MAGI2: variants seen among roughly 807,000 people sequenced by gnomAD.
MAGI2 encodes the protein membrane associated guanylate kinase, WW and PDZ domain containing 2, also known as membrane-associated guanylate kinase, WW and PDZ domain-containing protein 2.
MAGI2 carries 35 observed loss-of-function variants against 133.3 expected under a neutral mutation model. That is an observed-to-expected ratio of 0.26 (90% CI 0.20 to 0.35). The LOEUF (loss-of-function observed/expected upper bound fraction) is 0.35. Ranked by LOEUF, MAGI2 falls within the 10% of genes least tolerant of loss-of-function variation. The pLI, the probability that MAGI2 is intolerant of heterozygous loss-of-function variation, is 1.00. For synonymous variants in MAGI2, 729 were observed against 710.6 expected, an observed-to-expected ratio of 1.03 and a Z score of -0.41; for missense variants, 1,636 against 1,863.4, an observed-to-expected ratio of 0.88 and a Z score of 2.25.
intron 10 of MAGI2, among the ~76,000 whole-genome samples, chr7:78,245,135 C>A (rs1791626540): frequency 6.6e-6 from 1 of 152,056 alleles, no homozygotes; most frequent in South Asian, 2.1e-4. Context: ...AAATACAACA[C>A]CATGAAATGA....
intron 3 of MAGI2, among the ~76,000 whole-genome samples, chr7:78,537,348 C>T (rs541502761): frequency 6.6e-6 from 1 of 152,268 alleles, no homozygotes; most frequent in Admixed American, 6.5e-5. Context: ...TTATTTTCCA[C>T]TGGGTAGGTA....
intron 2 of MAGI2, among the ~76,000 whole-genome samples, chr7:78,682,504 A>G (rs1186470461): frequency 6.6e-6 from 1 of 152,114 alleles, no homozygotes; most frequent in Admixed American, 6.6e-5. Flanking sequence ...TTTGCTGAGA[A>G]TTATGGTTTC....
intron 21 of MAGI2, among the ~76,000 whole-genome samples, chr7:78,030,947 A>G (rs892695913): frequency 4.6e-5 from 7 of 152,246 alleles, no homozygotes; most frequent in Non-Finnish European, 1.0e-4. Context: ...TTTATTCATA[A>G]TCACCAAAAA....
intron 2 of MAGI2, among the ~76,000 whole-genome samples, chr7:79,004,565 A>G (rs1423428218): frequency 6.6e-6 from 1 of 152,208 alleles, no homozygotes; most frequent in South Asian, 2.1e-4. Flanking sequence ...AGTAGACAAC[A>G]GTGTATTGTA....
At chr7:78,720,343 T>C (rs543223203) in intron 2 of MAGI2, among the ~76,000 whole-genome samples, 1 of 152,208 alleles carries the variant, frequency 6.6e-6, no homozygotes, top group Admixed American at 6.5e-5. Flanking sequence ...ATCCTTATAA[T>C]ACACCTATGA....
chr7:79,358,294 G>T (rs750938416), intron 1 of MAGI2, among the ~76,000 whole-genome samples: 1 of 151,896 alleles, frequency 6.6e-6, no homozygotes, highest in African/African-American at 2.4e-5. Context: ...ACAAATAAAT[G>T]GAATTTTTCT....
intron 20 of MAGI2, among the ~76,000 whole-genome samples, chr7:78,124,956 T>G (rs1480176274): frequency 6.6e-6 from 1 of 150,728 alleles, no homozygotes; most frequent in Non-Finnish European, 1.5e-5. Context: ...TCCGCCTCCC[T>G]GGGCTCAAGC....
chr7:78,231,511 C>T (rs1789969699), intron 10 of MAGI2, among the ~76,000 whole-genome samples: 2 of 152,208 alleles, frequency 1.3e-5, no homozygotes. Context: ...AAAATGATAT[C>T]TGACAGATTC....
intron 1 of MAGI2, among the ~76,000 whole-genome samples, chr7:79,439,897 T>C (rs1294168319): frequency 6.6e-6 from 1 of 152,150 alleles, no homozygotes; most frequent in Non-Finnish European, 1.5e-5. Context: ...AGGAGTGGTA[T>C]GCATACACGA....
At chr7:79,005,537 A>G (rs945629516) in intron 2 of MAGI2, among the ~76,000 whole-genome samples, 6 of 152,218 alleles carry the variant, frequency 3.9e-5, no homozygotes, top group African/African-American at 1.4e-4. Context: ...TTCATATTTA[A>G]TTAAGACTTT....
At chr7:78,199,190 C>T (rs1490246839) in intron 11 of MAGI2, among the ~76,000 whole-genome samples, 1 of 152,018 alleles carries the variant, frequency 6.6e-6, no homozygotes, top group Non-Finnish European at 1.5e-5. Context: ...TGTCCATGCC[C>T]AGTAAAGTGG....
intron 2 of MAGI2, among the ~76,000 whole-genome samples, chr7:78,955,723 CTCTTTCTTTCTTTCTTTCTTTCTT>C (rs1158477695): frequency 1.2e-3 from 97 of 83,488 alleles, no homozygotes; most frequent in African/African-American, 3.5e-3. Context: ...TTCTTTCTTT[CTCTTTCTTTCTTTCTTTCTTTCTT>C]TCTTTCTTTC....
intron 2 of MAGI2, among the ~76,000 whole-genome samples, chr7:78,999,799 T>G (rs552327621): frequency 1.7e-4 from 26 of 152,314 alleles, no homozygotes; most frequent in Admixed American, 3.3e-4. Context: ...CTTCCTTTCT[T>G]TTTGGTTAAC....
At chr7:78,651,427 C>T (rs562407429) in intron 2 of MAGI2, among the ~76,000 whole-genome samples, 106 of 152,116 alleles carry the variant, frequency 7.0e-4, no homozygotes, top group African/African-American at 2.4e-3. Context: ...TCTTTCAGCG[C>T]ACCCACTGAA....
chr7:79,086,081 T>G (rs1408780026), intron 1 of MAGI2, among the ~76,000 whole-genome samples: 1 of 151,924 alleles, frequency 6.6e-6, no homozygotes, highest in Non-Finnish European at 1.5e-5. Context: ...ATTCCAAAGT[T>G]TTTCCTTTTA....
chr7:79,307,036 CT>C, intron 1 of MAGI2, among the ~76,000 whole-genome samples: 1 of 152,184 alleles, frequency 6.6e-6, no homozygotes, highest in Non-Finnish European at 1.5e-5. Context: ...AATTTTGAGG[CT>C]GCCAGGATGA....
chr7:78,280,012 A>G (rs1795408983), intron 9 of MAGI2, among the ~76,000 whole-genome samples: 1 of 152,146 alleles, frequency 6.6e-6, no homozygotes, highest in Non-Finnish European at 1.5e-5. Context: ...AGCTTAATCA[A>G]ACCCAGCTTC....
chr7:79,005,215 A>G (rs992515909), intron 2 of MAGI2, among the ~76,000 whole-genome samples: 16 of 152,168 alleles, frequency 1.1e-4, no homozygotes, highest in African/African-American at 3.6e-4. Context: ...CAAGTTAAAA[A>G]CTTCATTAGT....
intron 3 of MAGI2, among the ~76,000 whole-genome samples, chr7:78,566,924 A>T (rs1800998924): frequency 6.6e-6 from 1 of 152,176 alleles, no homozygotes. Flanking sequence ...TGCTTCTGTC[A>T]TAGATTTCCT....
Sources: allele counts gnomAD v4.1 joint callset (sites outside exome capture counted in the v4.1 genomes callset), GRCh38; gene constraint gnomAD v4.1.1; transcripts MANE v1.5; gene names NCBI Gene and HGNC (gene_info 2026-07-23, HGNC 2026-07-21).